CXCL13: variants seen among roughly 807,000 people sequenced by gnomAD.
CXCL13 encodes C-X-C motif chemokine 13.
A neutral mutation model predicts 12.2 loss-of-function variants in CXCL13; 7 were observed. The observed-to-expected ratio is 0.57, with a 90% confidence interval of 0.33 to 1.07. CXCL13 has a LOEUF of 1.07. Among genes scored for constraint, CXCL13 ranks in the 50% least tolerant of loss-of-function variants. The probability of loss-of-function intolerance (pLI) is 0.04; values close to 1 mark genes in which losing one functional copy is unlikely to be tolerated. For missense variants in CXCL13, 113 were observed against 127.4 expected (o/e 0.89, Z 0.55); for synonymous variants, 47 against 42.4 (o/e 1.11, Z -0.42).
intron 1 of CXCL13, among the ~76,000 whole-genome samples, chr4:77,525,833 T>C (rs949520842): frequency 1.3e-5 from 2 of 152,104 alleles, no homozygotes; most frequent in Non-Finnish European, 2.9e-5. Context: ...ATGGTGTGAA[T>C]TCCATCAATT....
At chr4:77,519,643 G>GT (rs1724525741) in intron 1 of CXCL13, among the ~76,000 whole-genome samples, 1 of 152,072 alleles carries the variant, frequency 6.6e-6, no homozygotes, top group South Asian at 2.1e-4. Context: ...AATTGCAAAA[G>GT]TTTTCTCCCA....
intron 1 of CXCL13, among the ~76,000 whole-genome samples, chr4:77,555,558 A>T (rs1441039327): frequency 6.6e-6 from 1 of 152,124 alleles, no homozygotes; most frequent in Non-Finnish European, 1.5e-5. Flanking sequence ...AATAAAAATT[A>T]TAAAATGTTT....
intron 1 of CXCL13, among the ~76,000 whole-genome samples, chr4:77,551,920 T>G (rs1285425157): frequency 6.6e-6 from 1 of 152,106 alleles, no homozygotes; most frequent in East Asian, 1.9e-4. Context: ...CTTAAGTGAG[T>G]TTTTCAATTC....
At chr4:77,523,296 AAG>A (rs988807510) in intron 1 of CXCL13, among the ~76,000 whole-genome samples, 11 of 152,158 alleles carry the variant, frequency 7.2e-5, no homozygotes, top group African/African-American at 2.7e-4. Context: ...TAATATCCTG[AAG>A]AGTGTTTTCC....
intron 1 of CXCL13, among the ~76,000 whole-genome samples, chr4:77,595,652 T>TA (rs1441403236): frequency 6.6e-6 from 1 of 151,852 alleles, no homozygotes; most frequent in Non-Finnish European, 1.5e-5. Context: ...CCTACTTGCC[T>TA]ATAGGGCCTC....
intron 1 of CXCL13, among the ~76,000 whole-genome samples, chr4:77,556,517 C>T (rs1457138121): frequency 6.6e-6 from 1 of 151,942 alleles, no homozygotes; most frequent in Non-Finnish European, 1.5e-5. Context: ...ATAGCTTGAT[C>T]GGGGTGGTAG....
At chr4:77,593,839 A>T (rs943395118) in intron 1 of CXCL13, among the ~76,000 whole-genome samples, 1 of 152,152 alleles carries the variant, frequency 6.6e-6, no homozygotes, top group African/African-American at 2.4e-5. Context: ...CCAGTCGAGG[A>T]GAGGTGAGGA....
chr4:77,561,931 G>A (rs1298798788), intron 1 of CXCL13, among the ~76,000 whole-genome samples: 1 of 152,156 alleles, frequency 6.6e-6, no homozygotes, highest in African/African-American at 2.4e-5. Flanking sequence ...AGTGCTTGTG[G>A]GCCAGCACAA....
At chr4:77,551,436 T>G (rs1202908182) in intron 1 of CXCL13, among the ~76,000 whole-genome samples, 7 of 152,236 alleles carry the variant, frequency 4.6e-5, no homozygotes, top group Admixed American at 4.6e-4. Context: ...TTAAGAATCC[T>G]GAAAATAGGC....
chr4:77,592,900 A>G (rs1726650257), intron 1 of CXCL13, among the ~76,000 whole-genome samples: 1 of 152,208 alleles, frequency 6.6e-6, no homozygotes, highest in East Asian at 1.9e-4. Flanking sequence ...GATTTCTCCA[A>G]AACAGGAAGT....
At chr4:77,564,399 G>T (rs1185661472) in intron 1 of CXCL13, among the ~76,000 whole-genome samples, 1 of 152,222 alleles carries the variant, frequency 6.6e-6, no homozygotes, top group Non-Finnish European at 1.5e-5. Flanking sequence ...GGAGCCAGCA[G>T]GGAAAGTTCA....
chr4:77,535,954 T>C (rs1378238697), intron 1 of CXCL13, among the ~76,000 whole-genome samples: 1 of 152,200 alleles, frequency 6.6e-6, no homozygotes. Flanking sequence ...AAAATTATTA[T>C]TTTATACCAC....
chr4:77,515,880 T>C (rs973485493), intron 1 of CXCL13, among the ~76,000 whole-genome samples: 1 of 152,220 alleles, frequency 6.6e-6, no homozygotes, highest in Non-Finnish European at 1.5e-5. Context: ...ATCTCTGTCT[T>C]GCACCAGTTT....
intron 1 of CXCL13, among the ~76,000 whole-genome samples, chr4:77,519,837 T>A (rs1181216249): frequency 3.3e-5 from 5 of 152,244 alleles, no homozygotes; most frequent in Non-Finnish European, 7.3e-5. Context: ...CTAGGATTTT[T>A]ATGATTTTAG....
At chr4:77,552,689 GC>G (rs143928100) in intron 1 of CXCL13, among the ~76,000 whole-genome samples, 2,089 of 152,352 alleles carry the variant, frequency 0.014, 52 homozygotes, top group African/African-American at 0.048. Context: ...CAGCCACCAA[GC>G]CCTCAGAGAT....
chr4:77,582,097 T>C (rs1726348284), intron 1 of CXCL13, among the ~76,000 whole-genome samples: 1 of 152,186 alleles, frequency 6.6e-6, no homozygotes, highest in South Asian at 2.1e-4. Context: ...ATTCTCCTAA[T>C]ATAAAAATTT....
intron 1 of CXCL13, among the ~76,000 whole-genome samples, chr4:77,573,362 TTGTGTGTGTG>T (rs3048191): frequency 0.015 from 2,041 of 134,984 alleles, 64 homozygotes; most frequent in African/African-American, 0.039. Context: ...ATTGGGTCTT[TTGTGTGTGTG>T]TGTGTGTGTG....
At chr4:77,552,005 T>C (rs1408151712) in intron 1 of CXCL13, among the ~76,000 whole-genome samples, 1 of 152,206 alleles carries the variant, frequency 6.6e-6, no homozygotes, top group Non-Finnish European at 1.5e-5. Flanking sequence ...GAAGTTTCTT[T>C]GTGTTGATTT....
chr4:77,513,864 T>A (rs1338740316), intron 1 of CXCL13, among the ~76,000 whole-genome samples: 2 of 151,832 alleles, frequency 1.3e-5, no homozygotes, highest in Non-Finnish European at 2.9e-5. Context: ...TGCAGGTTAG[T>A]TACATATGTA....
Sources: allele counts gnomAD v4.1 joint callset (sites outside exome capture counted in the v4.1 genomes callset), GRCh38; gene constraint gnomAD v4.1.1; transcripts MANE v1.5; gene names NCBI Gene and HGNC (gene_info 2026-07-23, HGNC 2026-07-21).